The following ZMYM4 variants were observed in gnomAD, a reference collection of about 807,000 sequenced individuals.
ZMYM4 encodes zinc finger MYM-type protein 4.
ZMYM4 carries 31 observed loss-of-function variants against 183.2 expected under a neutral mutation model. The ratio of observed to expected loss-of-function variants is 0.17; its 90% CI spans 0.13 to 0.23. The LOEUF is 0.23. Ranked by LOEUF, ZMYM4 falls within the 10% of genes least tolerant of loss-of-function variation. ZMYM4 has a pLI of 1.00. For synonymous variants in ZMYM4, 592 were observed against 631.2 expected, an observed-to-expected ratio of 0.94 and a Z score of 0.93; for missense variants, 1,273 against 1,840.3, an observed-to-expected ratio of 0.69 and a Z score of 5.64.
intron 2 of ZMYM4, among the ~76,000 whole-genome samples, chr1:35,330,068 A>G (rs546085520): frequency 1.9e-4 from 29 of 152,090 alleles, no homozygotes; most frequent in Non-Finnish European, 4.0e-4. Flanking sequence ...TACATAAAAT[A>G]GTTGAATGTG....
intron 7 of ZMYM4, among the ~76,000 whole-genome samples, chr1:35,378,839 C>T (rs1644389558): frequency 6.6e-6 from 1 of 152,188 alleles, no homozygotes; most frequent in Non-Finnish European, 1.5e-5. Flanking sequence ...TGATAACTTG[C>T]TACTGCTTCT....
chr1:35,271,360 G>GA (rs200166984), intron 1 of ZMYM4, among the ~76,000 whole-genome samples: 6,179 of 142,694 alleles, frequency 0.043, 148 homozygotes, highest in East Asian at 0.055. Flanking sequence ...AGGAATGCTG[G>GA]AAAAAAAAAA....
chr1:35,348,822 T>C (rs1447525235), intron 2 of ZMYM4, among the ~76,000 whole-genome samples: 2 of 152,186 alleles, frequency 1.3e-5, no homozygotes, highest in African/African-American at 4.8e-5. Flanking sequence ...TTTACACTAG[T>C]GAAATGTTAC....
chr1:35,279,851 T>A (rs1640057920), intron 1 of ZMYM4, among the ~76,000 whole-genome samples: 1 of 152,200 alleles, frequency 6.6e-6, no homozygotes, highest in Admixed American at 6.5e-5. Context: ...GAAGCATCCT[T>A]AACCAAAATA....
chr1:35,377,497 T>C (rs1460351489), intron 7 of ZMYM4, among the ~76,000 whole-genome samples: 3 of 152,150 alleles, frequency 2.0e-5, no homozygotes, highest in East Asian at 1.9e-4. Context: ...TTCAGAGATA[T>C]TCAGGATTTG....
At chr1:35,328,014 T>C (rs1271430732) in intron 2 of ZMYM4, among the ~76,000 whole-genome samples, 3 of 152,238 alleles carry the variant, frequency 2.0e-5, no homozygotes, top group South Asian at 2.1e-4. Context: ...TTGGATGATA[T>C]GCCTTTGCTC....
At chr1:35,311,924 C>CT (rs1641821233) in intron 1 of ZMYM4, among the ~76,000 whole-genome samples, 2 of 151,992 alleles carry the variant, frequency 1.3e-5, no homozygotes, top group African/African-American at 4.8e-5. Flanking sequence ...AGGTCTCACT[C>CT]TGTCACCCAG....
At chr1:35,407,974 G>T (rs771582964) in intron 25 of ZMYM4, 34 bp from the exon 26 acceptor site, 1 of 1,613,272 alleles carries the variant, frequency 6.2e-7, no homozygotes, top group South Asian at 1.1e-5. Flanking sequence ...TTTGTTAAAA[G>T]TTAATGTTTC....
chr1:35,312,567 C>T (rs1333572100), intron 1 of ZMYM4, among the ~76,000 whole-genome samples: 1 of 152,144 alleles, frequency 6.6e-6, no homozygotes, highest in Non-Finnish European at 1.5e-5. Context: ...ATAAATTAAC[C>T]ATTTCCCTGC....
intron 7 of ZMYM4, among the ~76,000 whole-genome samples, chr1:35,374,675 A>G (rs1364846198): frequency 6.6e-6 from 1 of 151,242 alleles, no homozygotes; most frequent in Non-Finnish European, 1.5e-5. Flanking sequence ...TCCGTCTCAA[A>G]AAAAAAAAAA....
intron 1 of ZMYM4, 76 bp downstream of exon 1, chr1:35,269,161 T>G (rs1400148776): frequency 5.2e-6 from 8 of 1,524,156 alleles, no homozygotes; most frequent in Middle Eastern, 2.1e-4. Context: ...CATACTCAGG[T>G]TCGTGGAGGG....
chr1:35,300,128 A>G (rs542574420), intron 1 of ZMYM4, among the ~76,000 whole-genome samples: 3 of 152,246 alleles, frequency 2.0e-5, no homozygotes, highest in East Asian at 3.9e-4. Flanking sequence ...TCTGCCACAT[A>G]GAAAAAGAGT....
intron 1 of ZMYM4, among the ~76,000 whole-genome samples, chr1:35,299,061 T>A (rs1641153966): frequency 6.7e-6 from 1 of 149,864 alleles, no homozygotes. Context: ...AGAAACAGAG[T>A]CTTGCCATGT....
intron 1 of ZMYM4, among the ~76,000 whole-genome samples, chr1:35,322,645 CAA>C (rs1321825092): frequency 6.6e-6 from 1 of 152,102 alleles, no homozygotes; most frequent in Non-Finnish European, 1.5e-5. Context: ...GAAGTGGGTT[CAA>C]GAGACAGGTG....
Position 35,414,010 on chromosome 1 carries a change from T to G in ZMYM4, c.3987T>G (p.Thr1329=). 1 of 1,590,716 alleles carries G rather than the reference T, an allele frequency of 6.3e-7. No individual in the cohort carries two copies. ...ATGGTAGAATAGATAACATTTTTAC[T>G]GAGCCCTATTCCAGATTTATGATTG... is the stretch of plus-strand genomic sequence containing the variant. ...FENGRIDNIF[T]EPYSRFMIEL... is the part of the protein sequence containing the mutation. Residue 1329 remains threonine (T), a synonymous_variant, in exon 27 of 30, where the codon ACT becomes ACG. Transcript: ENST00000314607.
At chr1:35,419,430 A>G (rs1218293638) in intron 29 of ZMYM4, 40 bp from the exon 30 acceptor site, 6 of 1,595,232 alleles carry the variant, frequency 3.8e-6, no homozygotes, top group East Asian at 2.2e-5. Flanking sequence ...TCTGATTTCT[A>G]ATTTTCTTTT....
chr1:35,307,297 G>A (rs1641575009), intron 1 of ZMYM4, among the ~76,000 whole-genome samples: 1 of 152,064 alleles, frequency 6.6e-6, no homozygotes, highest in South Asian at 2.1e-4. Flanking sequence ...AAATTTGGTA[G>A]GTTTAGGTTT....
intron 1 of ZMYM4, among the ~76,000 whole-genome samples, chr1:35,284,996 C>G (rs1056424635): frequency 6.6e-6 from 1 of 152,052 alleles, no homozygotes; most frequent in African/African-American, 2.4e-5. Context: ...ACGACAAATG[C>G]GAGAGTTTAT....
chr1:35,380,235 A>G (rs1323081310), intron 7 of ZMYM4, among the ~76,000 whole-genome samples: 12 of 152,170 alleles, frequency 7.9e-5, no homozygotes, highest in Admixed American at 7.9e-4. Flanking sequence ...TATTATGTGG[A>G]TGTATACTCA....
Sources: gnomAD v4.1 joint callset for allele counts (sites outside exome capture counted in the v4.1 genomes callset) on GRCh38, gnomAD v4.1.1 for gene constraint, MANE v1.5 for transcripts, NCBI Gene and HGNC (gene_info 2026-07-23, HGNC 2026-07-21) for gene names.